The following VAX1 variants were observed in gnomAD, a reference collection of about 807,000 sequenced individuals.
The protein encoded by VAX1 is ventral anterior homeobox 1.
A neutral mutation model predicts 17.6 loss-of-function variants in VAX1; 6 were observed. That is an observed-to-expected ratio of 0.34 (90% CI 0.19 to 0.67). VAX1 has a LOEUF of 0.67. Among genes scored for constraint, VAX1 ranks in the 30% least tolerant of loss-of-function variants. VAX1 has a pLI of 0.69. For synonymous variants in VAX1, 256 were observed against 227.4 expected, an observed-to-expected ratio of 1.13 and a Z score of -1.13; for missense variants, 408 against 463.7, an observed-to-expected ratio of 0.88 and a Z score of 1.10.
At position 117,133,838 on chromosome 10, in the gene VAX1, A is replaced by G. The variant is rs1434514446; in HGVS notation, c.*170T>C. The stretch of plus-strand genomic sequence containing the variant: ...AGGAAAGGTAGTAGAAAAAAAAAAT[A>G]GCCCGAATGAGATGAAATTGGTAGC... On this transcript the variant is annotated 3_prime_UTR_variant, in exon 3 of 3. Transcript: ENST00000369206. 7.5e-7 allele frequency: 1 copy of G among 1,327,006 alleles called. No homozygotes were observed. The highest frequency in any genetic ancestry group is 9.6e-7 in the Non-Finnish European group (1 of 1,046,286). The allele number at this position is 1,327,006 out of a possible 1,614,324, so 82.2% of individuals were successfully genotyped here.
At chr10:117,132,781 A>T (rs901771820), downstream of VAX1, among the ~76,000 whole-genome samples, 12 of 152,156 alleles carry the variant, frequency 7.9e-5, no homozygotes, top group Non-Finnish European at 1.3e-4. This position sits in a 1 kb window ranked among gnomAD's most constrained non-coding sequence, Gnocchi z 4.9. Context: ...CAATCACACA[A>T]GACGCTATCT....
downstream of VAX1, chr10:117,130,545 A>G: frequency 6.6e-6 from 1 of 152,338 alleles, no homozygotes; most frequent in Non-Finnish European, 1.5e-5. Context: ...ACCTTTCCCC[A>G]GGCAGGCCCA....
chr10:117,135,048 A>AGAGGCGG (rs1261642348), intron 2 of VAX1, among the ~76,000 whole-genome samples: 109 of 152,282 alleles, frequency 7.2e-4, no homozygotes, highest in African/African-American at 2.5e-3. Context: ...AAGTGGGAAG[A>AGAGGCGG]GAGGCGGGGA....
chr10:117,134,173 C>A lies in VAX1; in HGVS notation c.840G>T (p.Leu280=). ...HSLFSLPVPS[L]LGSVASRLSS... ...ACAGGCGGCTGGCGACGGAGCCGAGCAGCGAGGGCACCGGCAGGCTGAAGA... is the reference window on the plus strand; with the variant it reads ...ACAGGCGGCTGGCGACGGAGCCGAGAAGCGAGGGCACCGGCAGGCTGAAGA... The change falls in exon 3 of 3, where the codon CTG becomes CTT. Residue 280 remains leucine (L), a synonymous_variant. Coordinates refer to ENST00000369206, the MANE Select transcript of VAX1 (RefSeq NM_001112704.2). The surrounding 1 kb of genome is among the most constrained non-coding windows in gnomAD (Gnocchi z 6.2). 6.6e-7 allele frequency: 1 copy of A among 1,521,502 alleles called. No homozygotes were observed. Among genetic ancestry groups the A allele is most frequent in the African/African-American group, 1.4e-5 (1 of 70,294 alleles). The allele number at this position is 1,521,502 out of a possible 1,614,324, so 94.3% of individuals were successfully genotyped here. A position where few individuals can be genotyped will look rare whatever the true frequency, so the allele number is the denominator to read the frequency against.
At chr10:117,132,347 A>G, downstream of VAX1, 1 of 1,611,374 alleles carries the variant, frequency 6.2e-7, no homozygotes, top group Middle Eastern at 1.7e-4. This position sits in a 1 kb window ranked among gnomAD's most constrained non-coding sequence, Gnocchi z 4.9. Context: ...CATCATAGAT[A>G]TATATATTTC....
intron 2 of VAX1, among the ~76,000 whole-genome samples, chr10:117,135,028 A>G (rs1854153984): frequency 6.6e-6 from 1 of 152,190 alleles, no homozygotes; most frequent in Admixed American, 6.5e-5. Flanking sequence ...AGAGGGAAGA[A>G]GGAAGAGGGA....
intron 2 of VAX1, among the ~76,000 whole-genome samples, chr10:117,135,722 C>T (rs1854165871): frequency 6.6e-6 from 1 of 152,240 alleles, no homozygotes; most frequent in African/African-American, 2.4e-5. Context: ...GGGTCCTCTC[C>T]TGGGCCCAGA....
In VAX1 at chr10:117,137,329, C is replaced by T. The variant is rs1170983776; in HGVS notation, c.241+487G>A. ...CCGGCGGCAGCGGTCGGGCACCGAT[C>T]GCGGCCGTGGGGTCCTCGGCCCAGT... is the stretch of plus-strand genomic sequence containing the variant. On this transcript the variant is annotated intron_variant, in intron 1 of 2. Transcript: ENST00000369206. The surrounding 1 kb of genome is among the most constrained non-coding windows in gnomAD (Gnocchi z 7.4). Among the ~76,000 whole-genome samples, 1 of 152,072 alleles carries T rather than the reference C, an allele frequency of 6.6e-6. No homozygotes were observed. Among genetic ancestry groups the T allele is most frequent in the Non-Finnish European group, 1.5e-5 (1 of 68,000 alleles).
At chr10:117,132,355 T>A, downstream of VAX1, 1 of 1,610,838 alleles carries the variant, frequency 6.2e-7, no homozygotes, top group Non-Finnish European at 8.5e-7. The surrounding 1 kb of genome is among the most constrained non-coding windows in gnomAD (Gnocchi z 4.9). Flanking sequence ...ATATATATAT[T>A]TCACTCTCAC....
Position 117,136,429 on chromosome 10 carries a change from G to C in VAX1, c.429+43C>G, listed in dbSNP as rs1447891041. On this transcript the variant is annotated intron_variant, in intron 2 of 2. Coordinates refer to ENST00000369206, the MANE Select transcript of VAX1 (RefSeq NM_001112704.2). The surrounding 1 kb of genome is among the most constrained non-coding windows in gnomAD (Gnocchi z 5.0). Reference sequence around the variant, plus strand: ...GCAGGCTAGGTAGGGGTGGTGGGGAGGAAGGCTGGTGCAGAACTGTGTGCG... The same window carrying C: ...GCAGGCTAGGTAGGGGTGGTGGGGACGAAGGCTGGTGCAGAACTGTGTGCG... 6.2e-7 allele frequency: 1 copy of C among 1,607,480 alleles called. No homozygotes were observed. The highest frequency in any genetic ancestry group is 1.7e-5 in the Admixed American group (1 of 59,760).
In VAX1 at chr10:117,137,808, A is replaced by G; in HGVS notation, c.241+8T>C. 6.2e-7 allele frequency: 1 copy of G among 1,611,478 alleles called. No individual in the cohort carries two copies. The highest frequency in any genetic ancestry group is 1.1e-5 in the South Asian group (1 of 90,980). ...AAGAACGCGCCTGGCAGCCCTGCCCATCCCTACCTCGGACCAGGATCCGGC... is the reference window on the plus strand; with the variant it reads ...AAGAACGCGCCTGGCAGCCCTGCCCGTCCCTACCTCGGACCAGGATCCGGC... On this transcript the variant is annotated splice_region_variant and intron_variant, in intron 1 of 2. Coordinates refer to ENST00000369206, the MANE Select transcript of VAX1 (RefSeq NM_001112704.2). This position sits in a 1 kb window ranked among gnomAD's most constrained non-coding sequence, Gnocchi z 7.4.
Position 117,136,377 on chromosome 10 carries a change from T to C in VAX1, c.429+95A>G. The C allele has an allele frequency of 6.8e-7, 1 of 1,480,118 alleles. No homozygotes were observed. The allele number at this position is 1,480,118 out of a possible 1,614,324, so 91.7% of individuals were successfully genotyped here. On this transcript the variant is annotated intron_variant, in intron 2 of 2. Transcript: ENST00000369206. This position sits in a 1 kb window ranked among gnomAD's most constrained non-coding sequence, Gnocchi z 5.0. The stretch of plus-strand genomic sequence containing the variant: ...CTCCTCCACCTCCCAAGGGTAGTTC[T>C]GTCCAGAGCAGGTTAGGAGGTGAAG...
Position 117,138,085 on chromosome 10 carries a change from G to GA in VAX1, c.-30dup, listed in dbSNP as rs752654441. 4.0e-3 allele frequency: 860 copies of GA among 217,008 alleles called. 2 individuals are homozygous for GA. The highest frequency in any genetic ancestry group is 0.016 in the African/African-American group (332 of 20,522). The allele number at this position is 217,008 out of a possible 1,614,324, so 13.4% of individuals were successfully genotyped here. ...CAAGAACAACAACAAAAACAGAAAGGAAAAAAAAAGCAAAAAAAAAAAAAA... is the reference window on the plus strand; with the variant it reads ...CAAGAACAACAACAAAAACAGAAAGGAAAAAAAAAAGCAAAAAAAAAAAAAA... On this transcript the variant is annotated 5_prime_UTR_variant, in exon 1 of 3. Transcript: ENST00000369206.
Position 117,138,073 on chromosome 10 carries a change from A to C in VAX1, c.-17T>G. The stretch of plus-strand genomic sequence containing the variant: ...CCCGAACATAGGCAAGAACAACAAC[A>C]AAAACAGAAAGGAAAAAAAAAGCAA... On this transcript the variant is annotated 5_prime_UTR_variant, in exon 1 of 3. Transcript: ENST00000369206. 7.7e-7 allele frequency: 1 copy of C among 1,299,012 alleles called. No homozygotes were observed. Among genetic ancestry groups the C allele is most frequent in the Non-Finnish European group, 1.0e-6 (1 of 990,106 alleles). 80.5% of individuals were successfully genotyped at this position (1,299,012 alleles called of 1,614,324 possible).
rs917061935 is a variant in VAX1 at position 117,134,138 on chromosome 10, G to C, written c.875C>G (p.Pro292Arg). 9.8e-6 allele frequency: 15 copies of C among 1,534,050 alleles called. No individual in the cohort carries two copies. Among genetic ancestry groups the C allele is most frequent in the African/African-American group, 7.0e-5 (5 of 71,312 alleles). Residue 292 changes from proline to arginine, a missense_variant, in exon 3 of 3, where the codon CCG (proline) becomes CGG (arginine). Physicochemically the swap from Pro to Arg is moderately radical, Grantham distance 103. Coordinates refer to ENST00000369206, the MANE Select transcript of VAX1 (RefSeq NM_001112704.2). This position sits in a 1 kb window ranked among gnomAD's most constrained non-coding sequence, Gnocchi z 6.2. ...GSVASRLSSA[P>R]LTMAGSLAGN... ...AGCTAGCGAACCAGCCATTGTTAAC[G>C]GGGCGGAGGACAGGCGGCTGGCGAC...
chr10:117,128,658 T>G (rs1854046930), downstream of VAX1: 1 of 152,218 alleles, frequency 6.6e-6, no homozygotes, highest in Non-Finnish European at 1.5e-5. Flanking sequence ...ATTTTCATAT[T>G]AGCTAGAAAT....
At chr10:117,133,148 T>C (rs1463957193), downstream of VAX1, 4 of 423,466 alleles carry the variant, frequency 9.4e-6, no homozygotes, top group Non-Finnish European at 1.3e-5. Flanking sequence ...CCTTTGCTTT[T>C]CCCCCATTAA....
At chr10:117,132,746 G>C (rs1219169697), downstream of VAX1, among the ~76,000 whole-genome samples, 1 of 152,042 alleles carries the variant, frequency 6.6e-6, no homozygotes, top group Non-Finnish European at 1.5e-5. This position sits in a 1 kb window ranked among gnomAD's most constrained non-coding sequence, Gnocchi z 4.9. Context: ...TAAGACTGGG[G>C]AGGCGAGGGG....
rs1854217222 is a variant in VAX1 at position 117,137,981 on chromosome 10, G to A, written c.76C>T (p.His26Tyr). The A allele has an allele frequency of 1.2e-6, 2 of 1,613,712 alleles. No homozygotes were observed. Among genetic ancestry groups the A allele is most frequent in the South Asian group, 2.2e-5 (2 of 91,088 alleles). The change falls in exon 1 of 3, where the codon CAC (histidine) becomes TAC (tyrosine). Residue 26 changes from histidine (H) to tyrosine (Y), a missense_variant. Transcript: ENST00000369206. This position sits in a 1 kb window ranked among gnomAD's most constrained non-coding sequence, Gnocchi z 7.4. ...CCCTTGCTCTCCCGACTCTCCTTGT[G>A]CGCGTTCTTCGAGACCCGGGCAGCC... ...AEAARVSKNAHKESRESKGAE... is the reference protein window; with the variant it reads ...AEAARVSKNAYKESRESKGAE...
Sources: gnomAD v4.1 joint callset for allele counts (sites outside exome capture counted in the v4.1 genomes callset) on GRCh38, gnomAD v4.1.1 for gene constraint, Gnocchi (gnomAD v3.1) non-coding constraint, MANE v1.5 for transcripts, NCBI Gene and HGNC (gene_info 2026-07-23, HGNC 2026-07-21) for gene names.